GNAZ: variants seen among roughly 807,000 people sequenced by gnomAD.
GNAZ encodes the protein G protein subunit alpha z.
GNAZ carries 3 observed loss-of-function variants against 25.4 expected under a neutral mutation model. The ratio of observed to expected loss-of-function variants is 0.12; its 90% confidence interval spans 0.05 to 0.30. The LOEUF is 0.30. GNAZ is among the 10% of genes least tolerant of loss of function. The pLI is 1.00. For synonymous variants in GNAZ, 211 were observed against 205.7 expected, an observed-to-expected ratio of 1.03 and a Z score of -0.22; for missense variants, 241 against 501.8, an observed-to-expected ratio of 0.48 and a Z score of 4.97.
At chr22:23,081,897 G>A (rs191518659) in intron 1 of GNAZ, among the ~76,000 whole-genome samples, 1 of 151,276 alleles carries the variant, frequency 6.6e-6, no homozygotes, top group Non-Finnish European at 1.5e-5. Flanking sequence ...GGGCCGAGGC[G>A]GGCGGATCAC....
chr22:23,095,568 C>T lies in GNAZ; in HGVS notation c.-128C>T, dbSNP rs1250522677. 1.9e-6 allele frequency: 2 copies of T among 1,033,744 alleles called. No individual in the cohort carries two copies. Among genetic ancestry groups the T allele is most frequent in the Non-Finnish European group, 2.8e-6 (2 of 722,154 alleles). 64.0% of individuals were successfully genotyped at this position (1,033,744 alleles called of 1,614,324 possible). A position where few individuals can be genotyped will look rare whatever the true frequency, so the allele number is the denominator to read the frequency against. On this transcript the variant is annotated 5_prime_UTR_variant, in exon 2 of 3. Coordinates refer to ENST00000615612, the MANE Select transcript of GNAZ (RefSeq NM_002073.4). Reference sequence around the variant, plus strand: ...GGGGCTGCAGTGTGGCTCGGCCTCACCCCCCTGCTGGCACTGAGTGCCTCC... The same window carrying T: ...GGGGCTGCAGTGTGGCTCGGCCTCATCCCCCTGCTGGCACTGAGTGCCTCC...
At chr22:23,091,584 GCACA>G (rs2146303592) in intron 1 of GNAZ, among the ~76,000 whole-genome samples, 1 of 149,578 alleles carries the variant, frequency 6.7e-6, no homozygotes, top group South Asian at 2.1e-4. Context: ...CAGTGGATTT[GCACA>G]CACACAGGCA....
At chr22:23,121,548 G>A (rs1435217810) in intron 2 of GNAZ, among the ~76,000 whole-genome samples, 1 of 152,174 alleles carries the variant, frequency 6.6e-6, no homozygotes, top group Non-Finnish European at 1.5e-5. Context: ...TAAAACAGGA[G>A]TGGGCAGATG....
chr22:23,115,700 T>G (rs2069810865), intron 2 of GNAZ, among the ~76,000 whole-genome samples: 1 of 152,056 alleles, frequency 6.6e-6, no homozygotes, highest in African/African-American at 2.4e-5. Flanking sequence ...CCCCTGCAAA[T>G]GGAGGGGCCC....
rs756359282 is a variant in GNAZ, at chr22:23,095,789, C to T, written c.94C>T (p.Arg32Cys). Residue 32 changes from arginine to cysteine, a missense_variant, in exon 2 of 3, where the codon CGC becomes TGC. Coordinates refer to ENST00000615612, the MANE Select transcript of GNAZ (RefSeq NM_002073.4). ...HLRSESQRQRREIKLLLLGTS... is the reference protein window; with the variant it reads ...HLRSESQRQRCEIKLLLLGTS... ...GCGCTCAGAGAGCCAGCGGCAACGC[C>T]GCGAAATCAAGCTGCTCCTGCTGGG... The T allele has an allele frequency of 8.7e-6, 14 of 1,613,308 alleles. No homozygotes were observed. The highest frequency in any genetic ancestry group is 1.1e-5 in the Non-Finnish European group (13 of 1,179,990).
At chr22:23,077,316 C>T (rs1352847876) in intron 1 of GNAZ, among the ~76,000 whole-genome samples, 1 of 152,188 alleles carries the variant, frequency 6.6e-6, no homozygotes, top group Non-Finnish European at 1.5e-5. Context: ...CTGACTGTCT[C>T]TTCTCTCATT....
At chr22:23,081,347 A>G (rs1336055025) in intron 1 of GNAZ, among the ~76,000 whole-genome samples, 2 of 152,216 alleles carry the variant, frequency 1.3e-5, no homozygotes, top group Non-Finnish European at 2.9e-5. Flanking sequence ...GAAAATTGAC[A>G]GATATATGAA....
At chr22:23,100,464 G>A (rs2069265951) in intron 2 of GNAZ, among the ~76,000 whole-genome samples, 1 of 152,242 alleles carries the variant, frequency 6.6e-6, no homozygotes, top group African/African-American at 2.4e-5. Flanking sequence ...GGGGACGGGG[G>A]ACATAAGAAC....
intron 1 of GNAZ, among the ~76,000 whole-genome samples, chr22:23,075,150 A>T (rs926315386): frequency 4.6e-5 from 7 of 152,108 alleles, no homozygotes; most frequent in Admixed American, 3.9e-4. Flanking sequence ...GTGGAGAAGG[A>T]AGGCCTGGAG....
At chr22:23,110,585 G>A (rs1198917647) in intron 2 of GNAZ, among the ~76,000 whole-genome samples, 1 of 152,246 alleles carries the variant, frequency 6.6e-6, no homozygotes, top group African/African-American at 2.4e-5. Context: ...CTGAGCAGAT[G>A]GGCAGTAGAC....
chr22:23,077,970 C>T (rs1470646648), intron 1 of GNAZ, among the ~76,000 whole-genome samples: 3 of 152,232 alleles, frequency 2.0e-5, no homozygotes, highest in East Asian at 3.9e-4. Context: ...CTCATGCCTC[C>T]TCCTGCCCAG....
intron 2 of GNAZ, among the ~76,000 whole-genome samples, chr22:23,104,305 G>A (rs941483865): frequency 8.5e-5 from 13 of 152,184 alleles, no homozygotes; most frequent in Non-Finnish European, 1.5e-4. Context: ...CTGCCTGAGC[G>A]CCCTGTGATG....
At chr22:23,117,589 G>A (rs752254791) in intron 2 of GNAZ, among the ~76,000 whole-genome samples, 17 of 152,242 alleles carry the variant, frequency 1.1e-4, no homozygotes, top group Non-Finnish European at 1.0e-4. Context: ...GTGCCAAGGC[G>A]AATCACAGTG....
At chr22:23,077,662 T>C (rs1026041620) in intron 1 of GNAZ, among the ~76,000 whole-genome samples, 17 of 152,096 alleles carry the variant, frequency 1.1e-4, no homozygotes, top group African/African-American at 3.6e-4. Context: ...TACCAGGCTC[T>C]GTGTTTGTGG....
chr22:23,079,911 T>C (rs2068627953), intron 1 of GNAZ, among the ~76,000 whole-genome samples: 1 of 152,088 alleles, frequency 6.6e-6, no homozygotes, highest in African/African-American at 2.4e-5. Flanking sequence ...GGGGATGGGA[T>C]TGTGGGATGC....
In GNAZ at chr22:23,078,995, C is replaced by T. The variant is rs192757091; in HGVS notation, c.-450+8425C>T. Reference sequence around the variant, plus strand: ...CCCAGAAGTCCCCAACTATCCCCTCCGTGAGCCACGTTGACCGATTCCTCA... The same window carrying T: ...CCCAGAAGTCCCCAACTATCCCCTCTGTGAGCCACGTTGACCGATTCCTCA... On this transcript the variant is annotated intron_variant, in intron 1 of 2. Coordinates refer to ENST00000615612, the MANE Select transcript of GNAZ (RefSeq NM_002073.4). Among the ~76,000 whole-genome samples the T allele has an allele frequency of 7.4e-4, 113 of 152,270 alleles. No homozygotes were observed. In the South Asian group the frequency reaches 0.01, roughly 14 times the overall value.
At chr22:23,114,779 C>T (rs1411596644) in intron 2 of GNAZ, among the ~76,000 whole-genome samples, 2 of 152,216 alleles carry the variant, frequency 1.3e-5, no homozygotes, top group Admixed American at 6.5e-5. Context: ...TTGGCCACTC[C>T]GCAGCTGCCA....
intron 2 of GNAZ, among the ~76,000 whole-genome samples, chr22:23,117,480 G>C (rs953296009): frequency 2.0e-5 from 3 of 152,242 alleles, no homozygotes; most frequent in Non-Finnish European, 4.4e-5. Flanking sequence ...GTCCGGCTGA[G>C]CTGGCCCTGC....
At position 23,124,442 on chromosome 22, in the gene GNAZ, G is replaced by A. The variant is rs550194892; in HGVS notation, c.*1011G>A. On this transcript the variant is annotated 3_prime_UTR_variant, in exon 3 of 3. Coordinates refer to ENST00000615612, the MANE Select transcript of GNAZ (RefSeq NM_002073.4). ...AGTGGCAGTCCTGCGCCAGCCTCGC[G>A]GGACACGTGTTGTACATAAGCCTCT... The A allele has an allele frequency of 1.4e-4, 67 of 468,888 alleles. No individual in the cohort carries two copies. Among genetic ancestry groups the A allele is most frequent in the South Asian group, 9.3e-4 (60 of 64,214 alleles). 29.0% of individuals were successfully genotyped at this position (468,888 alleles called of 1,614,324 possible). A position where few individuals can be genotyped will look rare whatever the true frequency, so the allele number is the denominator to read the frequency against.
Sources: allele counts gnomAD v4.1 joint callset (sites outside exome capture counted in the v4.1 genomes callset), GRCh38; gene constraint gnomAD v4.1.1; transcripts MANE v1.5; gene names NCBI Gene and HGNC (gene_info 2026-07-23, HGNC 2026-07-21).